The following GLS variants were observed in gnomAD, a reference collection of about 807,000 sequenced individuals.
The protein encoded by GLS is glutaminase, also known as glutaminase kidney isoform, mitochondrial.
In GLS, 36 loss-of-function variants were observed where a neutral mutation model predicts 86.7. The ratio of observed to expected loss-of-function variants is 0.42; its 90% confidence interval spans 0.32 to 0.55. The LOEUF (loss-of-function observed/expected upper bound fraction) is 0.55. GLS is among the 20% of genes least tolerant of loss of function. The pLI, the probability that GLS is intolerant of heterozygous loss-of-function variation, is 0.17. For missense variants in GLS, 528 were observed against 833.4 expected, an observed-to-expected ratio of 0.63 and a Z score of 4.51; for synonymous variants, 317 against 305.9, an observed-to-expected ratio of 1.04 and a Z score of -0.38.
chr2:190,896,714 G>T (rs1688755565), intron 3 of GLS: 1 of 152,162 alleles, frequency 6.6e-6, no homozygotes, highest in Admixed American at 6.5e-5. Flanking sequence ...TTCACGAGGA[G>T]GTTCTTGTTT....
chr2:190,950,970 G>T (rs1397615315), intron 14 of GLS, among the ~76,000 whole-genome samples: 1 of 152,234 alleles, frequency 6.6e-6, no homozygotes, highest in South Asian at 2.1e-4. Context: ...AAGCCGGCAG[G>T]ACTGTTGCTG....
chr2:190,888,574 C>A (rs1327366214), intron 1 of GLS, among the ~76,000 whole-genome samples: 1 of 152,214 alleles, frequency 6.6e-6, no homozygotes, highest in African/African-American at 2.4e-5. Context: ...ACTACAACTT[C>A]TCAGTTCAGT....
chr2:190,911,397 C>T (rs1430656538), intron 7 of GLS, among the ~76,000 whole-genome samples: 1 of 152,076 alleles, frequency 6.6e-6, no homozygotes. Context: ...CTTGTTACTT[C>T]AAGGCAAATT....
intron 1 of GLS, among the ~76,000 whole-genome samples, chr2:190,890,223 A>T (rs1688516028): frequency 6.6e-6 from 1 of 152,080 alleles, no homozygotes; most frequent in African/African-American, 2.4e-5. Context: ...TTGCTGTGTC[A>T]CCCAGGCTGG....
chr2:190,945,664 CAAA>C, intron 14 of GLS, among the ~76,000 whole-genome samples: 1 of 109,484 alleles, frequency 9.1e-6, no homozygotes, highest in South Asian at 2.8e-4. Context: ...GAGCCTGTCT[CAAA>C]AAAAAAAAAG....
chr2:190,930,326 G>C lies in GLS; in HGVS notation c.1426-111G>C. 1.3e-6 allele frequency: 1 copy of C among 774,246 alleles called. No individual in the cohort carries two copies. The highest frequency in any genetic ancestry group is 2.2e-6 in the Non-Finnish European group (1 of 464,278). The allele number at this position is 774,246 out of a possible 1,614,324, so 48.0% of individuals were successfully genotyped here. On this transcript the variant is annotated intron_variant, in intron 12 of 17. Coordinates refer to ENST00000320717, the MANE Select transcript of GLS (RefSeq NM_014905.5). The surrounding 1 kb of genome is among the most constrained non-coding windows in gnomAD (Gnocchi z 5.0). ...GCTTGCCTTGGCCTCCCAAAGTGCT[G>C]AGATTACAGGAGTGAGCCATGGTGC... is the stretch of plus-strand genomic sequence containing the variant.
At chr2:190,939,574 TATG>T (rs1487558374) in intron 14 of GLS, among the ~76,000 whole-genome samples, 1 of 151,772 alleles carries the variant, frequency 6.6e-6, no homozygotes, top group Admixed American at 6.6e-5. Flanking sequence ...AACTTTCAAT[TATG>T]ATAATCAGTC....
chr2:190,910,962 G>T (rs4853528), intron 7 of GLS, among the ~76,000 whole-genome samples: 2 of 148,788 alleles, frequency 1.3e-5, no homozygotes, highest in South Asian at 2.1e-4. Context: ...TTTGGTTTGC[G>T]TTAATAATTG....
intron 1 of GLS, among the ~76,000 whole-genome samples, chr2:190,882,517 T>G (rs1688238198): frequency 6.6e-6 from 1 of 152,230 alleles, no homozygotes; most frequent in African/African-American, 2.4e-5. Context: ...CTAACCTGTT[T>G]TGCTTCCCTT....
chr2:190,932,815 T>C (rs752495493), intron 14 of GLS: 3 of 1,604,336 alleles, frequency 1.9e-6, no homozygotes, highest in Non-Finnish European at 1.7e-6. Context: ...TGAGGACATC[T>C]CTACAACTGT....
Position 190,952,671 on chromosome 2 carries a change from G to T in GLS, c.1651-894G>T, listed in dbSNP as rs570171040. Among the ~76,000 whole-genome samples, 3 of 152,238 alleles carry T rather than the reference G, an allele frequency of 2.0e-5. No individual in the cohort carries two copies. The South Asian group carries it at 6.2e-4, about 32-fold the overall frequency. ...TACTTTCCATTCCCCAGTTAAACTT[G>T]TTTTCTACCATTGAGTCCAGTATCA... On this transcript the variant is annotated intron_variant, in intron 14 of 17. Transcript: ENST00000320717.
intron 7 of GLS, among the ~76,000 whole-genome samples, chr2:190,911,401 G>C (rs1421854164): frequency 1.3e-5 from 2 of 152,050 alleles, no homozygotes; most frequent in Non-Finnish European, 2.9e-5. Context: ...TTACTTCAAG[G>C]CAAATTCTTT....
At chr2:190,960,045 G>A (rs1690962365) in intron 17 of GLS, among the ~76,000 whole-genome samples, 1 of 151,968 alleles carries the variant, frequency 6.6e-6, no homozygotes, top group Non-Finnish European at 1.5e-5. Context: ...TCTCCTGGTC[G>A]ACATAGCAAA....
chr2:190,890,462 TG>T (rs1219114188), intron 1 of GLS, among the ~76,000 whole-genome samples: 3 of 152,236 alleles, frequency 2.0e-5, no homozygotes, highest in Non-Finnish European at 4.4e-5. Context: ...CCTTAAAAGA[TG>T]TAAGTTTTTA....
chr2:190,895,753 G>T lies in GLS; in HGVS notation c.605+28G>T. ...AAAAGTTTCTGCCAAACCTTTAATG[G>T]TGATTTGCTATGCTATACGGTGATT... On this transcript the variant is annotated intron_variant, in intron 3 of 17. Coordinates refer to ENST00000320717, the MANE Select transcript of GLS (RefSeq NM_014905.5). The surrounding 1 kb of genome is among the most constrained non-coding windows in gnomAD (Gnocchi z 4.2). 1 of 1,564,990 alleles carries T rather than the reference G, an allele frequency of 6.4e-7. No individual in the cohort carries two copies. Among genetic ancestry groups the T allele is most frequent in the Non-Finnish European group, 8.7e-7 (1 of 1,147,162 alleles).
In GLS at chr2:190,956,262, GTTTAAGTC is replaced by G. The variant is rs1247931832; in HGVS notation, c.1853+1450_1853+1457del. Among the ~76,000 whole-genome samples, 4 of 152,122 alleles carry G rather than the reference GTTTAAGTC, an allele frequency of 2.6e-5. No homozygotes were observed. Among genetic ancestry groups the G allele is most frequent in the Admixed American group, 6.5e-5 (1 of 15,276 alleles). On this transcript the variant is annotated intron_variant, in intron 17 of 17. Transcript: ENST00000320717. This position sits in a 1 kb window ranked among gnomAD's most constrained non-coding sequence, Gnocchi z 4.2. Reference sequence around the variant, plus strand: ...GGGTTTTTATGGTTTTAGGTCTTATGTTTAAGTCTTTAATCCATCTTGAGTTAATTTTT... The same window carrying G: ...GGGTTTTTATGGTTTTAGGTCTTATGTTTAATCCATCTTGAGTTAATTTTT...
chr2:190,921,006 T>C lies in GLS; in HGVS notation c.1039-18T>C, dbSNP rs1689715587. The C allele has an allele frequency of 1.4e-6, 2 of 1,403,654 alleles. No individual in the cohort carries two copies. The highest frequency in any genetic ancestry group is 2.3e-5 in the South Asian group (2 of 86,522). The allele number at this position is 1,403,654 out of a possible 1,614,324, so 86.9% of individuals were successfully genotyped here. ...TGGTACCTATATTAACGTATTTATG[T>C]CTCTTATTTTTTTGCAGCAAGGAGT... On this transcript the variant is annotated intron_variant, in intron 7 of 17. Coordinates refer to ENST00000320717, the MANE Select transcript of GLS (RefSeq NM_014905.5). This position sits in a 1 kb window ranked among gnomAD's most constrained non-coding sequence, Gnocchi z 4.2.
chr2:190,922,004 A>C (rs1488522558), intron 9 of GLS, among the ~76,000 whole-genome samples: 12 of 152,136 alleles, frequency 7.9e-5, no homozygotes, highest in Non-Finnish European at 1.8e-4. Context: ...AAATTTTATT[A>C]AATGGCTTTT....
Position 190,930,700 on chromosome 2 carries a change from C to A in GLS, c.1557+132C>A. ...TATAGTGTGCCAGTTACTAGGGAGCCGTGGAAATACTCCCAGAGGAGCTTC... is the reference window on the plus strand; with the variant it reads ...TATAGTGTGCCAGTTACTAGGGAGCAGTGGAAATACTCCCAGAGGAGCTTC... On this transcript the variant is annotated intron_variant, in intron 13 of 17. Transcript: ENST00000320717. This position sits in a 1 kb window ranked among gnomAD's most constrained non-coding sequence, Gnocchi z 5.0. 1.4e-6 allele frequency: 1 copy of A among 692,184 alleles called. No individual in the cohort carries two copies. Among genetic ancestry groups the A allele is most frequent in the Non-Finnish European group, 2.3e-6 (1 of 429,960 alleles). 42.9% of individuals were successfully genotyped at this position (692,184 alleles called of 1,614,324 possible).
Sources: gnomAD v4.1 joint callset for allele counts (sites outside exome capture counted in the v4.1 genomes callset) on GRCh38, gnomAD v4.1.1 for gene constraint, Gnocchi (gnomAD v3.1) non-coding constraint, MANE v1.5 for transcripts, NCBI Gene and HGNC (gene_info 2026-07-23, HGNC 2026-07-21) for gene names.